The following ANO5 variants were observed in gnomAD, a reference collection of about 807,000 sequenced individuals.
ANO5 encodes anoctamin-5.
ANO5 carries 109 observed loss-of-function variants against 121.0 expected under a neutral mutation model. The ratio of observed to expected loss-of-function variants is 0.90; its 90% CI spans 0.77 to 1.06. ANO5 has a LOEUF of 1.06. Ranked by LOEUF, ANO5 falls within the 50% of genes least tolerant of loss-of-function variation. The pLI is 0.00. For synonymous variants in ANO5, 406 were observed against 359.9 expected (o/e 1.13, Z -1.45); for missense variants, 1,064 against 1,078.5 (o/e 0.99, Z 0.19).
At chr11:22,205,097 C>T (rs1223059516) in intron 2 of ANO5, among the ~76,000 whole-genome samples, 1 of 152,054 alleles carries the variant, frequency 6.6e-6, no homozygotes, top group Non-Finnish European at 1.5e-5. Flanking sequence ...AATACAAGAA[C>T]AGAAAACCAA....
At chr11:22,249,916 C>G (rs182480629) in intron 9 of ANO5, among the ~76,000 whole-genome samples, 1 of 152,058 alleles carries the variant, frequency 6.6e-6, no homozygotes, top group Non-Finnish European at 1.5e-5. Flanking sequence ...CATTTAAATT[C>G]TCTTTATAAT....
chr11:22,261,283 G>A (rs1311416956), intron 15 of ANO5: 1 of 152,278 alleles, frequency 6.6e-6, no homozygotes, highest in East Asian at 1.9e-4. Context: ...TAACAATCAT[G>A]GTAGAAGGTA....
chr11:22,248,148 CTA>C (rs1197298005), intron 9 of ANO5, among the ~76,000 whole-genome samples: 5 of 152,012 alleles, frequency 3.3e-5, no homozygotes, highest in Non-Finnish European at 5.9e-5. Flanking sequence ...TGATTATTTA[CTA>C]TGTCTTCAAC....
chr11:22,231,694 T>C (rs1343978281), intron 7 of ANO5, among the ~76,000 whole-genome samples: 1 of 144,424 alleles, frequency 6.9e-6, no homozygotes, highest in African/African-American at 2.5e-5. Context: ...AAATGTAAGT[T>C]TTCTGCTAAA....
In ANO5 at chr11:22,263,044, G is replaced by A. The variant is rs142027093; in HGVS notation, c.1898+1G>A. ...GAAACATTAAAGAAGCCATTTATCCGTATGTATGACTTACAAGCTTTTTAT... is the reference window on the plus strand; with the variant it reads ...GAAACATTAAAGAAGCCATTTATCCATATGTATGACTTACAAGCTTTTTAT... On this transcript the variant is annotated splice_donor_variant, in intron 17 of 21. Transcript: ENST00000324559. LOFTEE classifies it high-confidence loss of function. The A allele has an allele frequency of 1.5e-4, 234 of 1,600,488 alleles. No homozygotes were observed. The highest frequency in any genetic ancestry group is 1.8e-4 in the Non-Finnish European group (208 of 1,168,246).
Position 22,250,808 on chromosome 11 carries a change from G to A in ANO5, c.1081G>A (p.Asp361Asn). The A allele has an allele frequency of 1.2e-6, 2 of 1,614,032 alleles. No homozygotes were observed. Among genetic ancestry groups the A allele is most frequent in the South Asian group, 1.1e-5 (1 of 91,078 alleles). ...IMCPLCDQVC[D>N]YWRLNSTCLA... ...GTGCCCACTCTGTGATCAAGTGTGT[G>A]ATTATTGGAGACTAAATAGTACGTG... Residue 361 changes from aspartate to asparagine, a missense_variant, in exon 11 of 22, where the codon GAT (aspartate) becomes AAT (asparagine). Transcript: ENST00000324559.
chr11:22,272,709 A>G, intron 18 of ANO5, 75 bp from the exon 19 acceptor site: 2 of 1,366,398 alleles, frequency 1.5e-6, no homozygotes. Flanking sequence ...CGAAGGAAGT[A>G]GCAGGATTTG....
At chr11:22,250,631 C>T in intron 10 of ANO5, 110 bp from the exon 11 acceptor site, 3 of 1,170,870 alleles carry the variant, frequency 2.6e-6, no homozygotes, top group Admixed American at 1.8e-5. Flanking sequence ...GCTTGATTGC[C>T]CCTTCTGTTA....
Position 22,193,155 on chromosome 11 carries a change from G to A in ANO5, c.-338G>A, listed in dbSNP as rs1851698975. ...CAGCTGCCGAGCAGGCACAGGGACA[G>A]GTGCCTGGAGAAGTACTGGGAGAGC... is the stretch of plus-strand genomic sequence containing the variant. On this transcript the variant is annotated 5_prime_UTR_variant, in exon 1 of 22. Transcript: ENST00000324559. 1 of 1,173,170 alleles carries A rather than the reference G, an allele frequency of 8.5e-7. No individual in the cohort carries two copies. Among genetic ancestry groups the A allele is most frequent in the Non-Finnish European group, 1.1e-6 (1 of 939,178 alleles). The allele number at this position is 1,173,170 out of a possible 1,614,324, so 72.7% of individuals were successfully genotyped here.
At chr11:22,196,434 A>C (rs536139566) in intron 1 of ANO5, among the ~76,000 whole-genome samples, 1 of 151,902 alleles carries the variant, frequency 6.6e-6, no homozygotes, top group East Asian at 1.9e-4. Flanking sequence ...GTTAAATTTC[A>C]CCATGAGTTT....
intron 17 of ANO5, among the ~76,000 whole-genome samples, chr11:22,270,084 T>C (rs1280771385): frequency 6.6e-6 from 1 of 152,168 alleles, no homozygotes; most frequent in Non-Finnish European, 1.5e-5. Context: ...GAGTAAAGAT[T>C]GTCTCATTTT....
chr11:22,262,017 C>T (rs1229371634), intron 15 of ANO5, 112 bp from the exon 16 acceptor site: 3 of 990,646 alleles, frequency 3.0e-6, no homozygotes, highest in Non-Finnish European at 4.6e-6. Context: ...GAATGGGGAG[C>T]ATTCTATAGG....
chr11:22,245,452 A>C (rs528792950), intron 9 of ANO5, among the ~76,000 whole-genome samples: 1 of 152,158 alleles, frequency 6.6e-6, no homozygotes, highest in East Asian at 1.9e-4. Flanking sequence ...TTTGTTTTAT[A>C]TCTTTCCACT....
At chr11:22,231,302 T>C (rs1224973993) in intron 7 of ANO5, among the ~76,000 whole-genome samples, 3 of 151,988 alleles carry the variant, frequency 2.0e-5, no homozygotes, top group Non-Finnish European at 4.4e-5. Flanking sequence ...ATAAGCATTT[T>C]CCAATATTTC....
chr11:22,199,279 A>G (rs1851895511), intron 1 of ANO5, among the ~76,000 whole-genome samples: 1 of 152,312 alleles, frequency 6.6e-6, no homozygotes, highest in Non-Finnish European at 1.5e-5. Context: ...CTTACCTCCT[A>G]TATGCCAAGT....
Position 22,257,696 on chromosome 11 carries a change from T to C in ANO5, c.1349T>C (p.Met450Thr). Residue 450 changes from methionine (M) to threonine (T), a missense_variant, in exon 14 of 22, where the codon ATG (methionine) becomes ACG (threonine). By Grantham distance (81) the Met-to-Thr change is moderately conservative (BLOSUM62 -1). Transcript: ENST00000324559. Reference sequence around the variant, plus strand: ...ATATTACAGGAGATGGAACCTTACATGCCTCTATACACGCGTATTCCATGG... The same window carrying C: ...ATATTACAGGAGATGGAACCTTACACGCCTCTATACACGCGTATTCCATGG... ...NAVTKEMEPY[M>T]PLYTRIPWYF... The C allele has an allele frequency of 6.2e-7, 1 of 1,611,834 alleles. No homozygotes were observed. The highest frequency in any genetic ancestry group is 8.5e-7 in the Non-Finnish European group (1 of 1,178,076).
intron 1 of ANO5, among the ~76,000 whole-genome samples, chr11:22,198,985 A>C (rs1285348614): frequency 1.3e-5 from 2 of 152,152 alleles, no homozygotes; most frequent in Admixed American, 6.5e-5. Context: ...ATACTGCATG[A>C]TGTTTAATAT....
At chr11:22,257,828 A>G (rs1302051263) in intron 14 of ANO5, 74 bp downstream of exon 14, 2 of 1,265,148 alleles carry the variant, frequency 1.6e-6, no homozygotes, top group South Asian at 1.2e-5. Flanking sequence ...AGTGTTACCT[A>G]CAATGTCTCT....
At chr11:22,274,511 CATT>C in intron 19 of ANO5, 55 bp from the exon 20 acceptor site, 6 of 1,452,526 alleles carry the variant, frequency 4.1e-6, no homozygotes, top group Non-Finnish European at 5.6e-6. Context: ...ACAAATCAGA[CATT>C]ATTAAAACTA....
Sources: gnomAD v4.1 joint callset for allele counts (sites outside exome capture counted in the v4.1 genomes callset) on GRCh38, gnomAD v4.1.1 for gene constraint, MANE v1.5 for transcripts, NCBI Gene and HGNC (gene_info 2026-07-23, HGNC 2026-07-21) for gene names.